CDC42BPA: variants seen among roughly 807,000 people sequenced by gnomAD.
CDC42BPA encodes CDC42 binding protein kinase alpha.
CDC42BPA carries 80 observed loss-of-function variants against 223.5 expected under a neutral mutation model. The observed-to-expected ratio is 0.36, with a 90% CI of 0.30 to 0.43. The LOEUF (loss-of-function observed/expected upper bound fraction) is 0.43, where lower values mean the gene tolerates loss of function less well. Ranked by LOEUF, CDC42BPA falls within the 20% of genes least tolerant of loss-of-function variation. CDC42BPA has a pLI of 1.00. For synonymous variants in CDC42BPA, 694 were observed against 718.6 expected (o/e 0.97, Z 0.55); for missense variants, 1,743 against 2,099.9 (o/e 0.83, Z 3.32).
intron 21 of CDC42BPA, among the ~76,000 whole-genome samples, chr1:227,062,929 T>C (rs1469650498): frequency 6.6e-6 from 1 of 151,838 alleles, no homozygotes; most frequent in Admixed American, 6.6e-5. Flanking sequence ...AAAATAAATA[T>C]ATTATCACTA....
intron 34 of CDC42BPA, among the ~76,000 whole-genome samples, chr1:227,008,945 AGCAACCCTGTAAGAC>A (rs1425100569): frequency 1.3e-5 from 2 of 152,356 alleles, no homozygotes; most frequent in East Asian, 3.9e-4. Flanking sequence ...CATATACAAG[AGCAACCCTGTAAGAC>A]GCAAGCAGCA....
chr1:227,198,111 T>A (rs964470364), intron 4 of CDC42BPA, among the ~76,000 whole-genome samples: 1 of 151,982 alleles, frequency 6.6e-6, no homozygotes, highest in African/African-American at 2.4e-5. Context: ...TCTTACTACT[T>A]ACTTGTCATG....
At chr1:227,177,534 A>G (rs1667179466) in intron 5 of CDC42BPA, among the ~76,000 whole-genome samples, 2 of 151,568 alleles carry the variant, frequency 1.3e-5, no homozygotes, top group African/African-American at 4.9e-5. Flanking sequence ...TTCTCTATCC[A>G]TTGTATTCTG....
chr1:227,255,867 T>C (rs923543310), intron 1 of CDC42BPA, among the ~76,000 whole-genome samples: 1 of 152,120 alleles, frequency 6.6e-6, no homozygotes, highest in East Asian at 1.9e-4. Context: ...ATTGTTAATA[T>C]GACAATGTTA....
intron 30 of CDC42BPA, 41 bp downstream of exon 30, chr1:227,028,616 G>A (rs1486447129): frequency 1.5e-6 from 2 of 1,292,286 alleles, no homozygotes; most frequent in Non-Finnish European, 1.1e-6. Flanking sequence ...AAAGGAAGAA[G>A]AGATATAAAG....
intron 10 of CDC42BPA, among the ~76,000 whole-genome samples, chr1:227,132,322 G>A (rs1403117077): frequency 1.3e-5 from 2 of 152,218 alleles, no homozygotes; most frequent in African/African-American, 2.4e-5. Context: ...TGGTGGAGAC[G>A]GGGTTTCGCT....
intron 15 of CDC42BPA, among the ~76,000 whole-genome samples, chr1:227,099,789 G>C (rs1180032445): frequency 6.6e-6 from 1 of 152,026 alleles, no homozygotes; most frequent in African/African-American, 2.4e-5. Flanking sequence ...TCTCAGTATA[G>C]TTTTCCCTGG....
At chr1:227,292,051 C>T (rs765652540) in intron 1 of CDC42BPA, among the ~76,000 whole-genome samples, 25 of 151,834 alleles carry the variant, frequency 1.6e-4, no homozygotes, top group Middle Eastern at 3.4e-3. Context: ...GGTGCGATCT[C>T]GGCTCATTTC....
chr1:227,081,555 C>T (rs575601064), intron 16 of CDC42BPA, among the ~76,000 whole-genome samples: 6 of 151,730 alleles, frequency 4.0e-5, no homozygotes, highest in Non-Finnish European at 5.9e-5. Context: ...CGGGTTCAAG[C>T]GATTCTCCTG....
rs1039288491 is a variant in CDC42BPA at position 227,029,312 on chromosome 1, T to C, written c.3839-62A>G. ...TTATTGATTAATCATATCCCAATTA[T>C]ACTCAAAAGGATGTAAGTCAACTTA... is the stretch of plus-strand genomic sequence containing the variant. On this transcript the variant is annotated intron_variant, in intron 29 of 36. Coordinates refer to ENST00000366766, the MANE Select transcript of CDC42BPA (RefSeq NM_001394014.1). 8 of 1,075,092 alleles carry C rather than the reference T, an allele frequency of 7.4e-6. No homozygotes were observed. In the Admixed American group the frequency reaches 7.7e-5, roughly 10 times the overall value. The allele number at this position is 1,075,092 out of a possible 1,614,324, so 66.6% of individuals were successfully genotyped here. A position where few individuals can be genotyped will look rare whatever the true frequency, so the allele number is the denominator to read the frequency against.
rs1678545574 is a variant in CDC42BPA, at chr1:227,072,272, G to A, written c.2763C>T (p.Asn921=). ...ECKLKDSEKK[N]LELLSEIEQL... Reference sequence around the variant, plus strand: ...GTTCGATTTCTGAGAGTAGTTCCAAGTTCTTCTTCTCTGAATCTTTTAGTT... The same window carrying A: ...GTTCGATTTCTGAGAGTAGTTCCAAATTCTTCTTCTCTGAATCTTTTAGTT... The change falls in exon 20 of 37, where the codon AAC becomes AAT. Residue 921 remains asparagine (N), a synonymous_variant. Coordinates refer to ENST00000366766, the MANE Select transcript of CDC42BPA (RefSeq NM_001394014.1). 12 of 1,604,130 alleles carry A rather than the reference G, an allele frequency of 7.5e-6. No individual in the cohort carries two copies. The highest frequency in any genetic ancestry group is 1.0e-5 in the Non-Finnish European group (12 of 1,171,920).
intron 1 of CDC42BPA, among the ~76,000 whole-genome samples, chr1:227,310,686 GTT>G (rs1693358072): frequency 7.6e-6 from 1 of 131,166 alleles, no homozygotes; most frequent in South Asian, 2.4e-4. Flanking sequence ...TTTTTTTTTT[GTT>G]TTTTGTTTTT....
chr1:227,169,191 A>G (rs1223680188), intron 5 of CDC42BPA, among the ~76,000 whole-genome samples: 1 of 151,968 alleles, frequency 6.6e-6, no homozygotes, highest in African/African-American at 2.4e-5. Context: ...ATTTACCTTT[A>G]CTGAGAATAG....
chr1:227,031,803 A>T (rs186275652), intron 27 of CDC42BPA, among the ~76,000 whole-genome samples: 8 of 152,250 alleles, frequency 5.3e-5, no homozygotes. Context: ...TAACAACAAC[A>T]ACAACAACTG....
At chr1:227,290,313 C>A (rs1336642891) in intron 1 of CDC42BPA, among the ~76,000 whole-genome samples, 1 of 152,164 alleles carries the variant, frequency 6.6e-6, no homozygotes, top group Non-Finnish European at 1.5e-5. Flanking sequence ...CTACTCCCCA[C>A]ACCAAAGTAA....
At chr1:227,232,312 G>C (rs1678133175) in intron 2 of CDC42BPA, among the ~76,000 whole-genome samples, 1 of 152,002 alleles carries the variant, frequency 6.6e-6, no homozygotes, top group Non-Finnish European at 1.5e-5. Context: ...TTATTTCTAG[G>C]GGCTCTATTC....
intron 24 of CDC42BPA, among the ~76,000 whole-genome samples, chr1:227,039,360 T>C (rs957297566): frequency 3.9e-5 from 6 of 152,192 alleles, no homozygotes; most frequent in African/African-American, 1.4e-4. Flanking sequence ...TTTTAAATTC[T>C]ACTTTTCCAC....
intron 1 of CDC42BPA, among the ~76,000 whole-genome samples, chr1:227,277,231 C>CCAA (rs59251809): frequency 0.31 from 46,600 of 151,760 alleles, 7,278 homozygotes; most frequent in East Asian, 0.37. Context: ...TGCCAAATGA[C>CCAA]CAACAGAGAA....
intron 24 of CDC42BPA, 135 bp downstream of exon 24, chr1:227,039,996 A>T: frequency 1.5e-6 from 1 of 669,530 alleles, no homozygotes; most frequent in South Asian, 1.7e-5. Flanking sequence ...GACAACACAG[A>T]TTATTTCCAT....
Sources: allele counts gnomAD v4.1 joint callset (sites outside exome capture counted in the v4.1 genomes callset), GRCh38; gene constraint gnomAD v4.1.1; transcripts MANE v1.5; gene names NCBI Gene and HGNC (gene_info 2026-07-23, HGNC 2026-07-21).